The following PDE10A variants were observed in gnomAD, a reference collection of about 807,000 sequenced individuals.
PDE10A encodes the protein cAMP and cAMP-inhibited cGMP 3',5'-cyclic phosphodiesterase 10A.
A neutral mutation model predicts 97.7 loss-of-function variants in PDE10A; 39 were observed. The ratio of observed to expected loss-of-function variants is 0.40; its 90% confidence interval spans 0.31 to 0.52. The LOEUF (loss-of-function observed/expected upper bound fraction) is 0.52, where lower values mean the gene tolerates loss of function less well. Among genes scored for constraint, PDE10A ranks in the 20% least tolerant of loss-of-function variants. The pLI is 0.56. For missense variants in PDE10A, 731 were observed against 1,047.8 expected, an observed-to-expected ratio of 0.70 and a Z score of 4.17; for synonymous variants, 371 against 376.8, an observed-to-expected ratio of 0.98 and a Z score of 0.18.
At chr6:165,839,716 C>T (rs1780163615) in intron 1 of PDE10A, among the ~76,000 whole-genome samples, 1 of 28,600 alleles carries the variant, frequency 3.5e-5, no homozygotes, top group Non-Finnish European at 7.9e-5. Flanking sequence ...TCTTCATCCT[C>T]ATCTCCATCT....
chr6:165,765,309 G>A (rs7755876), intron 1 of PDE10A, among the ~76,000 whole-genome samples: 33,731 of 150,630 alleles, frequency 0.22, 2,979 homozygotes, highest in Non-Finnish European at 0.31. Context: ...TTGGGTGATC[G>A]ATGGGACTGG....
chr6:165,726,575 T>TC (rs1037972968), intron 1 of PDE10A, among the ~76,000 whole-genome samples: 2 of 149,628 alleles, frequency 1.3e-5, no homozygotes, highest in Non-Finnish European at 3.0e-5. Context: ...CGATGCCCGC[T>TC]CCCCCCGGTG....
chr6:165,511,231 T>C, intron 2 of PDE10A, among the ~76,000 whole-genome samples: 1 of 152,028 alleles, frequency 6.6e-6, no homozygotes, highest in East Asian at 1.9e-4. Context: ...ATTTCCGTTT[T>C]CATTTGTTTC....
intron 1 of PDE10A, among the ~76,000 whole-genome samples, chr6:165,825,152 A>T (rs1203455682): frequency 9.6e-6 from 1 of 104,424 alleles, no homozygotes. Context: ...TCTCAAAAAA[A>T]AAAAAAAAAA....
intron 1 of PDE10A, among the ~76,000 whole-genome samples, chr6:165,864,431 G>A (rs1780985540): frequency 6.6e-6 from 1 of 152,116 alleles, no homozygotes; most frequent in Admixed American, 6.5e-5. Context: ...CACCAGAATG[G>A]GCAAAGGCCC....
intron 1 of PDE10A, among the ~76,000 whole-genome samples, chr6:165,790,912 C>T (rs994998097): frequency 6.6e-6 from 1 of 152,064 alleles, no homozygotes; most frequent in African/African-American, 2.4e-5. Flanking sequence ...AATGCATTAC[C>T]GTTGACTATA....
In PDE10A at chr6:165,663,097, C is replaced by G. The variant is rs1338980996; in HGVS notation, c.-286G>C. Among the ~76,000 whole-genome samples, 2 of 151,606 alleles carry G rather than the reference C, an allele frequency of 1.3e-5. No individual in the cohort carries two copies. Among genetic ancestry groups the G allele is most frequent in the African/African-American group, 4.8e-5 (2 of 41,314 alleles). ...CCTCCCGGGCCGGGGCTAGGGACGG[C>G]GGAGACCCTCCCTGCAGGCGTGGCG... On this transcript the variant is annotated 5_prime_UTR_variant, in exon 1 of 22. Transcript: ENST00000539869.
rs146332407 is a variant in PDE10A, at chr6:165,831,107, G to A, written c.-615+156422C>T. Among the ~76,000 whole-genome samples the A allele has an allele frequency of 4.7e-4, 72 of 152,158 alleles. 1 individual carries two copies. Among genetic ancestry groups the A allele is most frequent in the African/African-American group, 1.6e-3 (66 of 41,538 alleles). ...TCTGGTAAGAAAGGATTGCCAGGCCGGGCGCGGTGGCTCAAGCCTGTAATC... is the reference window on the plus strand; with the variant it reads ...TCTGGTAAGAAAGGATTGCCAGGCCAGGCGCGGTGGCTCAAGCCTGTAATC... On this transcript the variant is annotated intron_variant, in intron 1 of 19. Coordinates refer to the PDE10A transcript ENST00000366882.
intron 15 of PDE10A, among the ~76,000 whole-genome samples, chr6:165,394,229 C>T (rs1370847907): frequency 6.6e-6 from 1 of 152,082 alleles, no homozygotes; most frequent in Non-Finnish European, 1.5e-5. Flanking sequence ...CCTCCCATCC[C>T]CCAACAGGCC....
At chr6:165,410,613 G>A (rs1328550413) in intron 13 of PDE10A, among the ~76,000 whole-genome samples, 2 of 152,106 alleles carry the variant, frequency 1.3e-5, no homozygotes, top group East Asian at 3.9e-4. Context: ...GTGAGAAAGT[G>A]GGGGTAAGTT....
At chr6:165,448,731 C>T (rs1791047618) in intron 5 of PDE10A, among the ~76,000 whole-genome samples, 197 bp downstream of exon 5, 1 of 151,938 alleles carries the variant, frequency 6.6e-6, no homozygotes. Flanking sequence ...CACACACACA[C>T]ACACACACGA....
intron 13 of PDE10A, among the ~76,000 whole-genome samples, chr6:165,406,158 AAAT>A (rs140078288): frequency 0.021 from 3,195 of 152,028 alleles, 121 homozygotes; most frequent in African/African-American, 0.072. Context: ...GTAACCCCAA[AAAT>A]AATTCAGTTT....
In PDE10A at chr6:165,333,081, C is replaced by G; in HGVS notation, c.3112G>C (p.Ala1038Pro). The G allele has an allele frequency of 6.2e-7, 1 of 1,613,054 alleles. No homozygotes were observed. Among genetic ancestry groups the G allele is most frequent in the Non-Finnish European group, 8.5e-7 (1 of 1,179,084 alleles). ...WEKVIRGEETATWISSPSVAQ... is the reference protein window; with the variant it reads ...WEKVIRGEETPTWISSPSVAQ... ...ACGGATGGGGATGAAATCCAGGTTG[C>G]AGTCTCCTCCCCTCGAATCACCTTC... The change falls in exon 22 of 22, where the codon GCA becomes CCA. Residue 1038 changes from alanine to proline, a missense_variant. Ala to Pro is a conservative substitution (Grantham distance 27, BLOSUM62 -1). Around this residue, in one of 8 missense-constraint regions of PDE10A, gnomAD observed 34 missense variants for 29.7 expected, o/e 1.14. Coordinates refer to ENST00000539869, the MANE Select transcript of PDE10A (RefSeq NM_001385079.1).
At chr6:165,627,030 C>T (rs1473255806) in intron 1 of PDE10A, among the ~76,000 whole-genome samples, 1 of 152,232 alleles carries the variant, frequency 6.6e-6, no homozygotes, top group Non-Finnish European at 1.5e-5. Context: ...ACCTCTTTCA[C>T]ATCTCTAAAT....
At chr6:165,722,703 T>C (rs914280738) in intron 1 of PDE10A, among the ~76,000 whole-genome samples, 3 of 152,154 alleles carry the variant, frequency 2.0e-5, no homozygotes, top group African/African-American at 4.8e-5. Context: ...GGAGATGGTG[T>C]CTACTGTACT....
intron 1 of PDE10A, among the ~76,000 whole-genome samples, chr6:165,758,180 T>C (rs1167160776): frequency 1.3e-5 from 2 of 152,210 alleles, no homozygotes; most frequent in African/African-American, 4.8e-5. Context: ...AATTAAAAAA[T>C]ACCAGGCTGG....
intron 1 of PDE10A, among the ~76,000 whole-genome samples, chr6:165,609,932 C>T: frequency 6.6e-6 from 1 of 152,240 alleles, no homozygotes; most frequent in African/African-American, 2.4e-5. Flanking sequence ...GGCCATACTG[C>T]CCAAGGTAAT....
At chr6:165,862,955 T>C (rs991970432) in intron 1 of PDE10A, among the ~76,000 whole-genome samples, 2 of 152,238 alleles carry the variant, frequency 1.3e-5, no homozygotes, top group African/African-American at 4.8e-5. Context: ...GTTGGGATTA[T>C]AGGCATGAGC....
intron 1 of PDE10A, among the ~76,000 whole-genome samples, chr6:165,687,504 G>C (rs1791154084): frequency 1.3e-5 from 2 of 152,198 alleles, no homozygotes; most frequent in South Asian, 4.1e-4. Flanking sequence ...TAACCAACTG[G>C]ACTCTTCCAC....
Sources: allele counts gnomAD v4.1 joint callset (sites outside exome capture counted in the v4.1 genomes callset), GRCh38; gene constraint gnomAD v4.1.1; regional missense constraint gnomAD v4.1.1; transcripts MANE v1.5; gene names NCBI Gene and HGNC (gene_info 2026-07-23, HGNC 2026-07-21).